REV3L: variants seen among roughly 807,000 people sequenced by gnomAD.
The protein encoded by REV3L is DNA polymerase zeta catalytic subunit.
Under a neutral mutation model 299.4 loss-of-function variants are expected in REV3L, and 69 were observed. The ratio of observed to expected loss-of-function variants is 0.23; its 90% confidence interval spans 0.19 to 0.28. The LOEUF (loss-of-function observed/expected upper bound fraction) is 0.28. Among genes scored for constraint, REV3L ranks in the 10% least tolerant of loss-of-function variants. REV3L has a pLI of 1.00. For synonymous variants in REV3L, 1,238 were observed against 1,271.4 expected, an observed-to-expected ratio of 0.97 and a Z score of 0.56; for missense variants, 3,128 against 3,693.8, an observed-to-expected ratio of 0.85 and a Z score of 3.97.
In REV3L at chr6:111,374,194, A is replaced by G; in HGVS notation, c.4161T>C (p.Asn1387=). ...ATGACAAATAGTTTCTTTGTATATT[A>G]TTTGCATTATCTTCTATCTTTGAGG... ...GMSSKIEDNA[N]NIQRNYLSSI... is the part of the protein sequence containing the mutation. Residue 1387 remains asparagine (N), a synonymous_variant, in exon 13 of 32, where the codon AAT becomes AAC. Coordinates refer to ENST00000368802, the MANE Select transcript of REV3L (RefSeq NM_001372078.1). 1 of 1,613,988 alleles carries G rather than the reference A, an allele frequency of 6.2e-7. No homozygotes were observed. Among genetic ancestry groups the G allele is most frequent in the Non-Finnish European group, 8.5e-7 (1 of 1,179,926 alleles).
At chr6:111,371,812 C>G (rs1193153371) in intron 13 of REV3L, among the ~76,000 whole-genome samples, 1 of 152,090 alleles carries the variant, frequency 6.6e-6, no homozygotes, top group Non-Finnish European at 1.5e-5. Flanking sequence ...GATCTGCCCC[C>G]CTCGGCCTCC....
At chr6:111,303,141 ATG>A (rs1277401440) in intron 31 of REV3L, among the ~76,000 whole-genome samples, 2 of 144,492 alleles carry the variant, frequency 1.4e-5, no homozygotes, top group African/African-American at 5.2e-5. Context: ...ACTTTTTGAA[ATG>A]TACTGAGGCT....
Position 111,375,270 on chromosome 6 carries a change from C to T in REV3L, c.3085G>A (p.Asp1029Asn), listed in dbSNP as rs143343075. ...PLKDFWPKVP[D>N]SPATKYPIYP... is the part of the protein sequence containing the mutation. ...ATGGGATATTTGGTTGCAGGGGAGT[C>T]GGGAACTTTTGGCCAAAAGTCCTTC... Residue 1029 changes from aspartate (D) to asparagine (N), a missense_variant, in exon 13 of 32, where the codon GAC becomes AAC. Asp to Asn is a conservative substitution (Grantham distance 23, BLOSUM62 1). Coordinates refer to ENST00000368802, the MANE Select transcript of REV3L (RefSeq NM_001372078.1). The T allele has an allele frequency of 8.7e-6, 14 of 1,607,904 alleles. No individual in the cohort carries two copies. Among genetic ancestry groups the T allele is most frequent in the African/African-American group, 5.4e-5 (4 of 74,566 alleles).
At chr6:111,392,826 A>C (rs1467998546) in intron 5 of REV3L, 50 bp downstream of exon 5, 1 of 1,167,940 alleles carries the variant, frequency 8.6e-7, no homozygotes, top group Non-Finnish European at 1.3e-6. Flanking sequence ...ATTTCTGATC[A>C]CAACTAGGAT....
intron 16 of REV3L, chr6:111,361,174 A>C (rs1291265578): frequency 2.0e-5 from 3 of 152,036 alleles, no homozygotes; most frequent in African/African-American, 7.2e-5. Context: ...ACCTGAGGTC[A>C]GGAGTTTGAG....
At chr6:111,365,916 G>A (rs1682539411) in intron 14 of REV3L, among the ~76,000 whole-genome samples, 1 of 152,126 alleles carries the variant, frequency 6.6e-6, no homozygotes. Flanking sequence ...TGGTGCAGGA[G>A]CCCAGGCAAG....
rs1476400462 is a variant in REV3L, at chr6:111,372,726, T to C, written c.5629A>G (p.Ile1877Val). Reference sequence around the variant, plus strand: ...GGGGGGGACATAAGTGGTTTCAGAATGTTAGCAGTTCGAGGGGTGAAGCTG... The same window carrying C: ...GGGGGGGACATAAGTGGTTTCAGAACGTTAGCAGTTCGAGGGGTGAAGCTG... ...NGSFTPRTAN[I>V]LKPLMSPPSR... Residue 1877 changes from isoleucine to valine, a missense_variant, in exon 13 of 32, where the codon ATT becomes GTT. Transcript: ENST00000368802. 2 of 1,611,144 alleles carry C rather than the reference T, an allele frequency of 1.2e-6. No individual in the cohort carries two copies. Among genetic ancestry groups the C allele is most frequent in the Non-Finnish European group, 1.7e-6 (2 of 1,178,810 alleles).
intron 9 of REV3L, among the ~76,000 whole-genome samples, chr6:111,382,220 A>T (rs1780903187): frequency 6.6e-6 from 1 of 152,148 alleles, no homozygotes; most frequent in Non-Finnish European, 1.5e-5. Flanking sequence ...TGAACTACCC[A>T]CACAAGAAAG....
rs1776785790 is a variant in REV3L at position 111,343,972 on chromosome 6, G to A, written c.7491C>T (p.Thr2497=). Reference sequence around the variant, plus strand: ...CAAACCAGTCTGACAAGACTCGAAAGGTAAAGAGGGGAAAACGCTGATGAA... The same window carrying A: ...CAAACCAGTCTGACAAGACTCGAAAAGTAAAGAGGGGAAAACGCTGATGAA... ...HVLHQRFPLF[T]FRVLSDWFDN... Residue 2497 remains threonine, a synonymous_variant, in exon 21 of 32, where the codon ACC becomes ACT. Coordinates refer to ENST00000368802, the MANE Select transcript of REV3L (RefSeq NM_001372078.1). 3 of 1,613,316 alleles carry A rather than the reference G, an allele frequency of 1.9e-6. No homozygotes were observed. Among genetic ancestry groups the A allele is most frequent in the Non-Finnish European group, 2.5e-6 (3 of 1,179,722 alleles).
At chr6:111,311,280 C>A in intron 28 of REV3L, 21 bp from the exon 29 acceptor site, 1 of 1,560,292 alleles carries the variant, frequency 6.4e-7, no homozygotes, top group Non-Finnish European at 8.7e-7. Context: ...AAAAGATATG[C>A]AAGTAAAGAT....
intron 31 of REV3L, among the ~76,000 whole-genome samples, chr6:111,306,913 T>C (rs1275094544): frequency 6.6e-6 from 1 of 152,236 alleles, no homozygotes; most frequent in East Asian, 1.9e-4. Flanking sequence ...TTTCAAATTT[T>C]TTCAGATTTT....
At chr6:111,307,172 A>C (rs1772405255) in intron 31 of REV3L, among the ~76,000 whole-genome samples, 189 bp downstream of exon 31, 1 of 152,208 alleles carries the variant, frequency 6.6e-6, no homozygotes, top group Non-Finnish European at 1.5e-5. Context: ...AAAAACAAAA[A>C]ATAAATTATA....
chr6:111,443,048 AT>A (rs1788454701), intron 1 of REV3L, among the ~76,000 whole-genome samples: 1 of 152,140 alleles, frequency 6.6e-6, no homozygotes, highest in Admixed American at 6.5e-5. Context: ...TTAAATACCT[AT>A]CTTAAAGTCC....
At position 111,483,187 on chromosome 6, in the gene REV3L, T is replaced by C; in HGVS notation, c.-299A>G. ...TCACACGGGCTCCTCGGTCCCAGGCTGCAGCTCTTGTTGCCATGATGATGA... is the reference window on the plus strand; with the variant it reads ...TCACACGGGCTCCTCGGTCCCAGGCCGCAGCTCTTGTTGCCATGATGATGA... On this transcript the variant is annotated 5_prime_UTR_variant, in exon 1 of 32. Coordinates refer to ENST00000368802, the MANE Select transcript of REV3L (RefSeq NM_001372078.1). 1 of 484,540 alleles carries C rather than the reference T, an allele frequency of 2.1e-6. No individual in the cohort carries two copies. The highest frequency in any genetic ancestry group is 4.3e-5 in the Admixed American group (1 of 23,084). The allele number at this position is 484,540 out of a possible 1,614,324, so 30.0% of individuals were successfully genotyped here.
intron 19 of REV3L, among the ~76,000 whole-genome samples, chr6:111,350,997 C>G (rs558306804): frequency 1.3e-5 from 2 of 151,998 alleles, no homozygotes; most frequent in East Asian, 3.9e-4. Context: ...TTGTGGGAAC[C>G]CTTGGGAACA....
intron 9 of REV3L, among the ~76,000 whole-genome samples, chr6:111,384,210 A>C (rs1375163178): frequency 6.6e-6 from 1 of 152,168 alleles, no homozygotes. Context: ...TTTTTGGGAA[A>C]TATCCCCAAA....
At chr6:111,422,448 T>C (rs1005270072) in intron 1 of REV3L, among the ~76,000 whole-genome samples, 1 of 151,276 alleles carries the variant, frequency 6.6e-6, no homozygotes, top group Non-Finnish European at 1.5e-5. Flanking sequence ...GTGTATTTCC[T>C]AGTATAAGAA....
Position 111,483,007 on chromosome 6 carries a change from C to G in REV3L, c.-119G>C. ...CTCCCCTTCTCGGCACGGCCCCCTCCCCTCACACAGAGGCACCTCGAGGAG... is the reference window on the plus strand; with the variant it reads ...CTCCCCTTCTCGGCACGGCCCCCTCGCCTCACACAGAGGCACCTCGAGGAG... On this transcript the variant is annotated 5_prime_UTR_variant, in exon 1 of 32. Transcript: ENST00000368802. 3.2e-6 allele frequency: 4 copies of G among 1,242,240 alleles called. No homozygotes were observed. Among genetic ancestry groups the G allele is most frequent in the Non-Finnish European group, 4.2e-6 (4 of 956,180 alleles). 77.0% of individuals were successfully genotyped at this position (1,242,240 alleles called of 1,614,324 possible).
At chr6:111,305,390 A>T (rs1460740658) in intron 31 of REV3L, among the ~76,000 whole-genome samples, 3 of 151,960 alleles carry the variant, frequency 2.0e-5, no homozygotes, top group Non-Finnish European at 4.4e-5. Context: ...CAACAGTTTG[A>T]GACCAGCCTG....
Sources: allele counts gnomAD v4.1 joint callset (sites outside exome capture counted in the v4.1 genomes callset), GRCh38; gene constraint gnomAD v4.1.1; transcripts MANE v1.5; gene names NCBI Gene and HGNC (gene_info 2026-07-23, HGNC 2026-07-21).